NFIB: variants seen among roughly 807,000 people sequenced by gnomAD.
The protein encoded by NFIB is nuclear factor 1 B-type.
NFIB carries 11 observed loss-of-function variants against 61.5 expected under a neutral mutation model. The ratio of observed to expected loss-of-function variants is 0.18; its 90% CI spans 0.11 to 0.30. The LOEUF (loss-of-function observed/expected upper bound fraction) is 0.30, where lower values mean the gene tolerates loss of function less well. NFIB is among the 10% of genes least tolerant of loss of function. NFIB has a pLI of 1.00. For synonymous variants in NFIB, 260 were observed against 216.5 expected (o/e 1.20, Z -1.76); for missense variants, 471 against 608.9 (o/e 0.77, Z 2.38).
At chr9:14,272,723 T>G (rs931890160) in intron 2 of NFIB, among the ~76,000 whole-genome samples, 2 of 147,866 alleles carry the variant, frequency 1.4e-5, no homozygotes, top group African/African-American at 5.0e-5. Flanking sequence ...AAAAAAATTC[T>G]ATCTTTTTAT....
chr9:14,490,860 A>G, the NFIB span, among the ~76,000 whole-genome samples: 3 of 152,342 alleles, frequency 2.0e-5, no homozygotes, highest in Non-Finnish European at 4.4e-5. Flanking sequence ...ATTATCATTC[A>G]CAATACTCTA....
the NFIB span, among the ~76,000 whole-genome samples, chr9:14,412,229 G>A: frequency 2.0e-5 from 3 of 152,184 alleles, no homozygotes; most frequent in Non-Finnish European, 4.4e-5. Context: ...TGTCCTATGT[G>A]TTCCCACATA....
At chr9:14,146,374 C>G (rs1321529413) in intron 6 of NFIB, among the ~76,000 whole-genome samples, 1 of 152,098 alleles carries the variant, frequency 6.6e-6, no homozygotes, top group Non-Finnish European at 1.5e-5. Context: ...CTAATTGAAT[C>G]ACAGTTTGTG....
intron 1 of NFIB, among the ~76,000 whole-genome samples, chr9:14,375,429 G>A (rs747526818): frequency 6.6e-6 from 1 of 152,174 alleles, no homozygotes; most frequent in Non-Finnish European, 1.5e-5. Context: ...AGGCCAAGGT[G>A]GGTGGATCAC....
intron 2 of NFIB, among the ~76,000 whole-genome samples, chr9:14,229,744 A>G (rs576639198): frequency 4.6e-4 from 70 of 152,264 alleles, no homozygotes; most frequent in South Asian, 1.5e-3. Flanking sequence ...CACTGAGCCA[A>G]CCATCTTAGA....
chr9:14,485,359 C>T, the NFIB span, among the ~76,000 whole-genome samples: 1 of 104,192 alleles, frequency 9.6e-6, no homozygotes, highest in South Asian at 2.5e-4. Flanking sequence ...CTGATTTTGT[C>T]CTCCAGCAAG....
At chr9:14,463,817 A>T in the NFIB span, among the ~76,000 whole-genome samples, 1 of 151,602 alleles carries the variant, frequency 6.6e-6, no homozygotes, top group Non-Finnish European at 1.5e-5. Context: ...CCCGCCACCA[A>T]GCCCGGCTAA....
At chr9:14,162,105 T>G (rs2044267399) in intron 3 of NFIB, among the ~76,000 whole-genome samples, 1 of 152,170 alleles carries the variant, frequency 6.6e-6, no homozygotes, top group African/African-American at 2.4e-5. Flanking sequence ...ACAAAACATT[T>G]TAAAAATCAG....
At chr9:14,435,262 A>T in the NFIB span, among the ~76,000 whole-genome samples, 1 of 152,338 alleles carries the variant, frequency 6.6e-6, no homozygotes, top group Non-Finnish European at 1.5e-5. Context: ...ACAAAAGAGG[A>T]CATAATTGTT....
chr9:14,518,762 T>C, the NFIB span, among the ~76,000 whole-genome samples: 1 of 151,702 alleles, frequency 6.6e-6, no homozygotes, highest in Non-Finnish European at 1.5e-5. Flanking sequence ...GAAAGACAAA[T>C]GGGGTAGAGA....
upstream of NFIB, among the ~76,000 whole-genome samples, chr9:14,315,660 C>G (rs1430186425): frequency 6.7e-6 from 1 of 149,830 alleles, no homozygotes; most frequent in Non-Finnish European, 1.5e-5. Context: ...ACCCCGTCGC[C>G]CGTGCAGGCT....
At chr9:14,360,514 G>A (rs1024127194) in intron 1 of NFIB, among the ~76,000 whole-genome samples, 2 of 150,792 alleles carry the variant, frequency 1.3e-5, no homozygotes, top group African/African-American at 4.9e-5. Flanking sequence ...GATTTGGGTG[G>A]AAAAATATTA....
intron 2 of NFIB, among the ~76,000 whole-genome samples, chr9:14,235,999 C>T (rs1010870294): frequency 6.6e-6 from 1 of 152,116 alleles, no homozygotes; most frequent in Non-Finnish European, 1.5e-5. Context: ...TGATGGAAGA[C>T]AAGAGGCTGG....
At chr9:14,479,103 T>C in the NFIB span, among the ~76,000 whole-genome samples, 1 of 152,102 alleles carries the variant, frequency 6.6e-6, no homozygotes, top group Non-Finnish European at 1.5e-5. Context: ...GAAAAAATAT[T>C]GGAAATAAAA....
At chr9:14,331,046 C>T (rs971205694) in intron 1 of NFIB, among the ~76,000 whole-genome samples, 1 of 152,138 alleles carries the variant, frequency 6.6e-6, no homozygotes, top group Non-Finnish European at 1.5e-5. Flanking sequence ...CAATTTAGGC[C>T]AATGGCAGCA....
the NFIB span, among the ~76,000 whole-genome samples, chr9:14,481,333 T>C: frequency 2.0e-5 from 3 of 148,932 alleles, no homozygotes; most frequent in African/African-American, 7.4e-5. Context: ...AGCAACTGGT[T>C]TAATAAGGCT....
the NFIB span, among the ~76,000 whole-genome samples, chr9:14,441,531 C>G: frequency 1.3e-5 from 2 of 152,120 alleles, no homozygotes; most frequent in Admixed American, 1.3e-4. Context: ...ACTTTATGTT[C>G]TGACCTTTTA....
In NFIB at chr9:14,295,489, G is replaced by A. The variant is rs566913290; in HGVS notation, c.562+11500C>T. Among the ~76,000 whole-genome samples the A allele has an allele frequency of 3.4e-4, 52 of 152,202 alleles. No individual in the cohort carries two copies. In the East Asian group the frequency reaches 8.1e-3, roughly 24 times the overall value. On this transcript the variant is annotated intron_variant, in intron 2 of 10. Transcript: ENST00000380953. Reference sequence around the variant, plus strand: ...AACATACAAAAAAAAAACTCAGCCGGGCGTGGGGAAGGGCGCCTGTAGTCC... The same window carrying A: ...AACATACAAAAAAAAAACTCAGCCGAGCGTGGGGAAGGGCGCCTGTAGTCC...
chr9:14,256,025 C>A (rs1414860590), intron 2 of NFIB, among the ~76,000 whole-genome samples: 1 of 152,188 alleles, frequency 6.6e-6, no homozygotes, highest in Non-Finnish European at 1.5e-5. Flanking sequence ...CTTAATTCTC[C>A]CTCATGTGCA....
Sources: allele counts gnomAD v4.1 joint callset (sites outside exome capture counted in the v4.1 genomes callset), GRCh38; gene constraint gnomAD v4.1.1; transcripts MANE v1.5; gene names NCBI Gene and HGNC (gene_info 2026-07-23, HGNC 2026-07-21).